Variants in PPARG observed in about 807,000 individuals in gnomAD.
The protein encoded by PPARG is peroxisome proliferator activated receptor gamma, also known as peroxisome proliferator-activated receptor gamma.
PPARG carries 17 observed loss-of-function variants against 39.2 expected under a neutral mutation model. The ratio of observed to expected loss-of-function variants is 0.43; its 90% CI spans 0.30 to 0.65. PPARG has a LOEUF of 0.65. Among genes scored for constraint, PPARG ranks in the 30% least tolerant of loss-of-function variants. The probability of loss-of-function intolerance (pLI) is 0.13; values close to 1 mark genes in which losing one functional copy is unlikely to be tolerated. For synonymous variants in PPARG, 223 were observed against 215.7 expected, an observed-to-expected ratio of 1.03 and a Z score of -0.30; for missense variants, 406 against 585.9, an observed-to-expected ratio of 0.69 and a Z score of 3.17.
rs2049650320 is a variant in PPARG at position 12,381,374 on chromosome 3, G to A, written c.273G>A (p.Gln91=). Residue 91 remains glutamine (Q), a synonymous_variant, in exon 4 of 8, where the codon CAG becomes CAA. Coordinates refer to ENST00000651735, the MANE Select transcript of PPARG (RefSeq NM_138711.6). ...ASPPYYSEKT[Q]LYNKPHEEPS... ...CACCTTATTATTCTGAGAAGACTCA[G>A]CTCTACAATAAGCCTCATGAAGAGC... is the stretch of plus-strand genomic sequence containing the variant. 1 of 1,613,382 alleles carries A rather than the reference G, an allele frequency of 6.2e-7. No homozygotes were observed. Among genetic ancestry groups the A allele is most frequent in the Admixed American group, 1.7e-5 (1 of 59,924 alleles).
chr3:12,429,763 C>G (rs1343787227), intron 7 of PPARG, among the ~76,000 whole-genome samples: 1 of 152,100 alleles, frequency 6.6e-6, no homozygotes, highest in Non-Finnish European at 1.5e-5. Flanking sequence ...AGTCATTAAA[C>G]CAAGGTGCCA....
intron 2 of PPARG, among the ~76,000 whole-genome samples, chr3:12,317,128 T>A (rs1162106874): frequency 6.6e-6 from 1 of 152,236 alleles, no homozygotes; most frequent in Non-Finnish European, 1.5e-5. Flanking sequence ...TCCTGCCCTC[T>A]GTAAATAAAC....
At chr3:12,298,298 C>CAAAAAAAAAA (rs58459399) in intron 1 of PPARG, among the ~76,000 whole-genome samples, 9 of 41,354 alleles carry the variant, frequency 2.2e-4, no homozygotes, top group African/African-American at 9.4e-4. Context: ...GACTCTGTCT[C>CAAAAAAAAAA]AAAAAAAAAA....
At chr3:12,362,552 TAAATAAATAAATAAATAAAA>T (rs1277675734) in intron 2 of PPARG, among the ~76,000 whole-genome samples, 4 of 149,328 alleles carry the variant, frequency 2.7e-5, no homozygotes, top group South Asian at 4.2e-4. Context: ...AATAAATAAA[TAAATAAATAAATAAATAAAA>T]CGAACAACAA....
At chr3:12,317,578 CTTCTGGTGTTTTTAT>C in intron 2 of PPARG, among the ~76,000 whole-genome samples, 2 of 152,214 alleles carry the variant, frequency 1.3e-5, no homozygotes, top group South Asian at 4.1e-4. Context: ...TTTTAGGTGG[CTTCTGGTGTTTTTAT>C]TATTGTATAA....
intron 6 of PPARG, among the ~76,000 whole-genome samples, chr3:12,411,796 A>ACGTT (rs61340471): frequency 0.28 from 43,201 of 151,866 alleles, 6,850 homozygotes; most frequent in East Asian, 0.43. Flanking sequence ...AACCAACGAG[A>ACGTT]GGCTGAGGAA....
intron 1 of PPARG, among the ~76,000 whole-genome samples, chr3:12,304,207 T>G (rs1348815427): frequency 6.6e-6 from 1 of 152,252 alleles, no homozygotes; most frequent in Non-Finnish European, 1.5e-5. Flanking sequence ...AAATCATTCA[T>G]TCTTGCCCCC....
At chr3:12,371,436 A>G (rs1291510923) in intron 2 of PPARG, among the ~76,000 whole-genome samples, 1 of 152,196 alleles carries the variant, frequency 6.6e-6, no homozygotes, top group Non-Finnish European at 1.5e-5. Flanking sequence ...ACTATTCCCT[A>G]CGCCTTTTGA....
At chr3:12,327,014 AT>A (rs200959393) in intron 2 of PPARG, among the ~76,000 whole-genome samples, 2 of 151,778 alleles carry the variant, frequency 1.3e-5, no homozygotes. Context: ...AATTTTAACT[AT>A]TTTTTTTCAA....
intron 2 of PPARG, among the ~76,000 whole-genome samples, chr3:12,371,489 A>G (rs567615393): frequency 1.1e-3 from 160 of 152,322 alleles, no homozygotes; most frequent in Non-Finnish European, 1.9e-3. Context: ...AAATTCTGTT[A>G]CAGATTTAGT....
rs4135312 is a variant in PPARG, at chr3:12,366,784, C to T, written c.-8-12920C>T. Among the ~76,000 whole-genome samples, 406 of 152,174 alleles carry T rather than the reference C, an allele frequency of 2.7e-3. 2 individuals carry two copies. The highest frequency in any genetic ancestry group is 9.2e-3 in the African/African-American group (382 of 41,518). ...GTGTATAATTCTTTTCATACATTAT[C>T]GGATTCAATTTGCTGATATTTTGTT... On this transcript the variant is annotated intron_variant, in intron 2 of 7. Coordinates refer to ENST00000651735, the MANE Select transcript of PPARG (RefSeq NM_138711.6).
At chr3:12,415,678 C>T (rs1448868714) in intron 6 of PPARG, among the ~76,000 whole-genome samples, 2 of 152,096 alleles carry the variant, frequency 1.3e-5, no homozygotes, top group African/African-American at 4.8e-5. Flanking sequence ...AATATAAATT[C>T]AAAATTGCTT....
intron 2 of PPARG, among the ~76,000 whole-genome samples, chr3:12,314,208 T>C (rs531343385): frequency 5.3e-5 from 8 of 152,190 alleles, no homozygotes; most frequent in African/African-American, 1.7e-4. Context: ...ACCCAAGAGG[T>C]GGAGGTTGCA....
intron 2 of PPARG, among the ~76,000 whole-genome samples, chr3:12,352,909 T>C (rs918875331): frequency 6.6e-6 from 1 of 152,256 alleles, no homozygotes; most frequent in Non-Finnish European, 1.5e-5. Context: ...CTATCTTTCT[T>C]CAGTTATTAA....
chr3:12,343,622 T>A (rs2048246229), intron 2 of PPARG, among the ~76,000 whole-genome samples: 1 of 152,198 alleles, frequency 6.6e-6, no homozygotes, highest in African/African-American at 2.4e-5. Context: ...TGCACTTCTC[T>A]CAAACCACCT....
chr3:12,432,586 A>G (rs2051697132), intron 7 of PPARG, among the ~76,000 whole-genome samples: 1 of 152,212 alleles, frequency 6.6e-6, no homozygotes, highest in Admixed American at 6.5e-5. Context: ...TAAAACAAGA[A>G]TTGCTACTAT....
chr3:12,429,843 C>T (rs2051595487), intron 7 of PPARG, among the ~76,000 whole-genome samples: 2 of 152,140 alleles, frequency 1.3e-5, no homozygotes, highest in Admixed American at 6.5e-5. Flanking sequence ...CGAGGAAGAC[C>T]CCATGCTCCC....
chr3:12,298,892 G>A (rs2046859864), intron 1 of PPARG, among the ~76,000 whole-genome samples: 1 of 152,158 alleles, frequency 6.6e-6, no homozygotes, highest in Admixed American at 6.6e-5. Flanking sequence ...CTGGAGTGCA[G>A]TGGTGCCATC....
At chr3:12,383,193 G>A (rs1482643907) in intron 4 of PPARG, among the ~76,000 whole-genome samples, 1 of 152,028 alleles carries the variant, frequency 6.6e-6, no homozygotes, top group African/African-American at 2.4e-5. Flanking sequence ...TGGTTAGATT[G>A]GCTACACAAG....
Sources: gnomAD v4.1 joint callset for allele counts (sites outside exome capture counted in the v4.1 genomes callset) on GRCh38, gnomAD v4.1.1 for gene constraint, MANE v1.5 for transcripts, NCBI Gene and HGNC (gene_info 2026-07-23, HGNC 2026-07-21) for gene names.